Variants in CNTN1 observed in about 807,000 individuals in gnomAD.
CNTN1 encodes the protein contactin 1.
In CNTN1, 38 loss-of-function variants were observed where a neutral mutation model predicts 126.4. The observed-to-expected ratio is 0.30, with a 90% CI of 0.23 to 0.39. The LOEUF (loss-of-function observed/expected upper bound fraction) is 0.39, where lower values mean the gene tolerates loss of function less well. Ranked by LOEUF, CNTN1 falls within the 10% of genes least tolerant of loss-of-function variation. CNTN1 has a pLI of 1.00. For missense variants in CNTN1, 1,009 were observed against 1,248.4 expected, an observed-to-expected ratio of 0.81 and a Z score of 2.89; for synonymous variants, 413 against 422.6, an observed-to-expected ratio of 0.98 and a Z score of 0.28.
intron 20 of CNTN1, among the ~76,000 whole-genome samples, chr12:41,021,676 A>G (rs1221819864): frequency 6.8e-6 from 1 of 146,420 alleles, no homozygotes; most frequent in African/African-American, 2.5e-5. Context: ...ATAATTTGGG[A>G]AGATCTTAAA....
intron 1 of CNTN1, among the ~76,000 whole-genome samples, chr12:40,871,850 T>A (rs1027378558): frequency 2.9e-4 from 44 of 152,052 alleles, no homozygotes; most frequent in Non-Finnish European, 1.6e-4. Flanking sequence ...AAAATGCAGA[T>A]TTTTTGGCCA....
rs1390176620 is a variant in CNTN1, at chr12:40,937,616, C to T, written c.1157C>T (p.Ala386Val). The T allele has an allele frequency of 1.2e-6, 2 of 1,612,688 alleles. No homozygotes were observed. The highest frequency in any genetic ancestry group is 1.7e-5 in the Admixed American group (1 of 59,940). Residue 386 changes from alanine (A) to valine (V), a missense_variant, in exon 11 of 24, where the codon GCC becomes GTC. By Grantham distance (64) the Ala-to-Val change is moderately conservative. Coordinates refer to ENST00000551295, the MANE Select transcript of CNTN1 (RefSeq NM_001843.4). ...LRLYDVTFENAGMYQCIAENT... is the reference protein window; with the variant it reads ...LRLYDVTFENVGMYQCIAENT... ...CTGTATGATGTGACTTTTGAAAATG[C>T]CGGAATGTATCAGTGCATAGCTGAA...
chr12:40,750,243 A>G (rs1938353548), intron 1 of CNTN1, among the ~76,000 whole-genome samples: 3 of 152,228 alleles, frequency 2.0e-5, no homozygotes, highest in African/African-American at 7.2e-5. Context: ...TCAGGTTTGC[A>G]TGATGATGAG....
intron 7 of CNTN1, among the ~76,000 whole-genome samples, chr12:40,930,795 C>G (rs1279376838): frequency 6.6e-6 from 1 of 151,926 alleles, no homozygotes; most frequent in Non-Finnish European, 1.5e-5. Context: ...CATTGAGGTT[C>G]CATTTTTATT....
intron 1 of CNTN1, among the ~76,000 whole-genome samples, chr12:40,774,599 A>C (rs545517121): frequency 6.6e-6 from 1 of 151,860 alleles, no homozygotes; most frequent in South Asian, 2.1e-4. Context: ...TCAATGTGAT[A>C]AAGTCTGCTT....
chr12:40,987,078 T>C (rs1302683601), intron 16 of CNTN1, among the ~76,000 whole-genome samples: 1 of 152,196 alleles, frequency 6.6e-6, no homozygotes, highest in East Asian at 1.9e-4. Flanking sequence ...GTGTTGTTTT[T>C]GTTAGTGTAC....
At chr12:40,976,999 A>G (rs935978257) in intron 15 of CNTN1, among the ~76,000 whole-genome samples, 1 of 152,168 alleles carries the variant, frequency 6.6e-6, no homozygotes, top group South Asian at 2.1e-4. Context: ...AAGGTTATGA[A>G]TGCACCTGTG....
intron 17 of CNTN1, among the ~76,000 whole-genome samples, chr12:41,013,854 AT>A (rs1280724833): frequency 6.6e-6 from 1 of 152,184 alleles, no homozygotes; most frequent in African/African-American, 2.4e-5. Flanking sequence ...GTTTCTTAAC[AT>A]TTATTTGTAG....
At chr12:40,986,524 A>T (rs1202503973) in intron 16 of CNTN1, among the ~76,000 whole-genome samples, 1 of 151,882 alleles carries the variant, frequency 6.6e-6, no homozygotes, top group Non-Finnish European at 1.5e-5. Flanking sequence ...ATTTCGGCAG[A>T]CTCTTCTACG....
chr12:41,025,061 C>T, intron 20 of CNTN1, 89 bp from the exon 21 acceptor site: 1 of 1,233,942 alleles, frequency 8.1e-7, no homozygotes, highest in East Asian at 2.3e-5. Flanking sequence ...TCAGCCAACA[C>T]CAATGGTAAT....
At chr12:40,763,924 C>T (rs934025176) in intron 1 of CNTN1, among the ~76,000 whole-genome samples, 6 of 152,096 alleles carry the variant, frequency 3.9e-5, no homozygotes, top group African/African-American at 1.4e-4. Context: ...TCATTAGGGA[C>T]TCAATATCTA....
rs139453816 is a variant in CNTN1 at position 40,939,100 on chromosome 12, T to C, written c.1229-235T>C. ...TCTAATTAAAGTTTCTAATAATCAA[T>C]TCAGTTATCATCAAGAATTGTACAT... On this transcript the variant is annotated intron_variant, in intron 11 of 23. Coordinates refer to ENST00000551295, the MANE Select transcript of CNTN1 (RefSeq NM_001843.4). Among the ~76,000 whole-genome samples, 163 of 152,312 alleles carry C rather than the reference T, an allele frequency of 1.1e-3. 2 individuals carry two copies. The highest frequency in any genetic ancestry group is 3.6e-3 in the African/African-American group (151 of 41,558).
intron 1 of CNTN1, among the ~76,000 whole-genome samples, chr12:40,704,077 T>C (rs1009751126): frequency 3.3e-5 from 5 of 151,642 alleles, no homozygotes; most frequent in African/African-American, 1.2e-4. Flanking sequence ...TAGTATAAAT[T>C]ATACAGTAGC....
At chr12:40,977,774 TTGTTTTGTTTTG>T (rs1947718358) in intron 15 of CNTN1, among the ~76,000 whole-genome samples, 2 of 12,738 alleles carry the variant, frequency 1.6e-4, no homozygotes, top group East Asian at 1.4e-3. Flanking sequence ...CTGTTTTGTT[TTGTTTTGTTTTG>T]TTTTGTTTTG....
intron 1 of CNTN1, among the ~76,000 whole-genome samples, chr12:40,716,098 T>TA (rs1017304134): frequency 1.3e-5 from 2 of 151,882 alleles, no homozygotes; most frequent in Admixed American, 6.6e-5. Flanking sequence ...AAGGTAACTT[T>TA]AAAAAAAATC....
chr12:40,750,214 A>G (rs1938352714), intron 1 of CNTN1, among the ~76,000 whole-genome samples: 1 of 152,076 alleles, frequency 6.6e-6, no homozygotes, highest in African/African-American at 2.4e-5. Flanking sequence ...CACTTCTAAG[A>G]TGGAAAGTTT....
At chr12:40,906,868 G>C (rs1389558255) in intron 1 of CNTN1, among the ~76,000 whole-genome samples, 1 of 151,560 alleles carries the variant, frequency 6.6e-6, no homozygotes, top group Non-Finnish European at 1.5e-5. Context: ...GTAGAGATGG[G>C]GGTTTCACCA....
rs189937943 is a variant in CNTN1, at chr12:40,859,154, A to T, written c.-76-49203A>T. 9.6e-4 allele frequency among the ~76,000 whole-genome samples: 146 copies of T among 152,232 alleles called. 1 individual carries two copies. The highest frequency in any genetic ancestry group is 3.5e-3 in the African/African-American group (145 of 41,558). On this transcript the variant is annotated intron_variant, in intron 1 of 23. Coordinates refer to ENST00000551295, the MANE Select transcript of CNTN1 (RefSeq NM_001843.4). ...ACTTAAAATAAATATAAAAAATTTA[A>T]AACAGATATAAAGAGGAGATGATGG...
At chr12:40,997,369 C>T (rs1309830158) in intron 17 of CNTN1, among the ~76,000 whole-genome samples, 1 of 152,190 alleles carries the variant, frequency 6.6e-6, no homozygotes, top group Non-Finnish European at 1.5e-5. Flanking sequence ...AAACCAGGAA[C>T]AACACTTTCA....
Sources: allele counts gnomAD v4.1 joint callset (sites outside exome capture counted in the v4.1 genomes callset), GRCh38; gene constraint gnomAD v4.1.1; transcripts MANE v1.5; gene names NCBI Gene and HGNC (gene_info 2026-07-23, HGNC 2026-07-21).